Variants in TRPM1 observed in about 807,000 individuals in gnomAD.
TRPM1 encodes the protein TRPM1-203 APA Isoform, Intron 10.
Under a neutral mutation model 149.4 loss-of-function variants are expected in TRPM1, and 113 were observed. The observed-to-expected ratio is 0.76, with a 90% CI of 0.65 to 0.88. TRPM1 has a LOEUF of 0.88. Ranked by LOEUF, TRPM1 falls within the 40% of genes least tolerant of loss-of-function variation. The probability of loss-of-function intolerance (pLI) is 0.00; values close to 1 mark genes in which losing one functional copy is unlikely to be tolerated. For missense variants in TRPM1, 1,976 were observed against 2,038.7 expected (o/e 0.97, Z 0.59); for synonymous variants, 741 against 759.5 (o/e 0.98, Z 0.40).
chr15:31,088,544 C>G (rs1180743650), intron 1 of TRPM1, among the ~76,000 whole-genome samples: 2 of 152,222 alleles, frequency 1.3e-5, no homozygotes, highest in Admixed American at 6.5e-5. Context: ...AGCTGTAACA[C>G]TTGCTGCAAA....
chr15:31,108,714 G>A (rs775000886), intron 1 of TRPM1, among the ~76,000 whole-genome samples: 8 of 152,142 alleles, frequency 5.3e-5, no homozygotes, highest in Non-Finnish European at 7.3e-5. Context: ...GGCTGGTCTC[G>A]AACTCCCGAC....
In TRPM1 at chr15:31,002,877, A is replaced by T. The variant is rs1411906348; in HGVS notation, c.3823T>A (p.Cys1275Ser). The change falls in exon 28 of 28, where the codon TGT (cysteine) becomes AGT (serine). Residue 1275 changes from cysteine (C) to serine (S), a missense_variant. Physicochemically the swap from Cys to Ser is moderately radical, Grantham distance 112. Transcript: ENST00000256552. ...TGCCGGAGAAGATACGTTGCCTCAC[A>T]TTCAGAAGAAGCCCGGGACCGTGCC... is the stretch of plus-strand genomic sequence containing the variant. ...IQARSRASSE[C>S]EATYLLRQSS... 6.2e-7 allele frequency: 1 copy of T among 1,614,190 alleles called. No homozygotes were observed. The highest frequency in any genetic ancestry group is 8.5e-7 in the Non-Finnish European group (1 of 1,179,994).
In TRPM1 at chr15:31,160,877, C is replaced by T. The variant is rs971834710; in HGVS notation, c.54+29G>A. The T allele has an allele frequency of 1.6e-5, 25 of 1,535,062 alleles. No individual in the cohort carries two copies. In the African/African-American group the frequency reaches 2.9e-4, roughly 18 times the overall value. Reference sequence around the variant, plus strand: ...GTCCCTCTGCCCTTCCGCCCAGCTGCCCGCAGGCCACTGGCAAAGCTCACT... The same window carrying T: ...GTCCCTCTGCCCTTCCGCCCAGCTGTCCGCAGGCCACTGGCAAAGCTCACT... On this transcript the variant is annotated intron_variant, in intron 1 of 26. Transcript: ENST00000542188.
intron 1 of TRPM1, among the ~76,000 whole-genome samples, chr15:31,113,832 T>A (rs1017062106): frequency 6.6e-6 from 1 of 152,144 alleles, no homozygotes; most frequent in East Asian, 1.9e-4. Context: ...TGTGAAGATG[T>A]GAACAGCAAA....
intron 1 of TRPM1, among the ~76,000 whole-genome samples, chr15:31,089,164 G>C (rs542325353): frequency 4.6e-5 from 7 of 152,184 alleles, no homozygotes; most frequent in Non-Finnish European, 1.0e-4. Context: ...TTTGCCTTCT[G>C]GTGTTGCATT....
chr15:31,026,119 G>C lies in TRPM1; in HGVS notation c.3629+20C>G. ...GCAAACCCTTGGCTCACGGGCCCGC[G>C]GTGGGGACGCTACACGTACCTTTCA... On this transcript the variant is annotated intron_variant, in intron 27 of 27. Transcript: ENST00000256552. The C allele has an allele frequency of 6.2e-7, 1 of 1,609,468 alleles. No individual in the cohort carries two copies. The highest frequency in any genetic ancestry group is 8.5e-7 in the Non-Finnish European group (1 of 1,179,972).
chr15:31,046,877 A>AG (rs1008996500), intron 15 of TRPM1, among the ~76,000 whole-genome samples: 5 of 152,184 alleles, frequency 3.3e-5, no homozygotes, highest in Non-Finnish European at 5.9e-5. Flanking sequence ...CCCAGGAGGA[A>AG]GTCTGCTGTG....
intron 27 of TRPM1, among the ~76,000 whole-genome samples, chr15:31,023,884 T>C (rs1040218187): frequency 2.0e-5 from 3 of 152,196 alleles, no homozygotes; most frequent in Non-Finnish European, 4.4e-5. Flanking sequence ...TTGGAACTTT[T>C]TGAGAAAAAA....
chr15:31,060,471 A>T, intron 11 of TRPM1, 73 bp downstream of exon 11: 1 of 1,261,962 alleles, frequency 7.9e-7, no homozygotes, highest in Non-Finnish European at 1.2e-6. Context: ...CCATGTCACA[A>T]GGGAGAACAT....
At chr15:31,105,879 T>C (rs11635657), upstream of TRPM1, among the ~76,000 whole-genome samples, 104,113 of 152,156 alleles carry the variant, frequency 0.68, 35,861 homozygotes, top group African/African-American at 0.76. Flanking sequence ...ATTATGTGTC[T>C]AGTGAGCTGT....
chr15:31,091,341 G>C (rs2035232331), intron 1 of TRPM1, among the ~76,000 whole-genome samples: 1 of 152,230 alleles, frequency 6.6e-6, no homozygotes, highest in Non-Finnish European at 1.5e-5. Flanking sequence ...TGCCCACTCT[G>C]CCCTTTGTGG....
chr15:31,150,936 A>C (rs1343986066), intron 1 of TRPM1, among the ~76,000 whole-genome samples: 2 of 152,200 alleles, frequency 1.3e-5, no homozygotes, highest in Non-Finnish European at 2.9e-5. Context: ...TCTCAAGCCA[A>C]GAGTCCACAT....
At chr15:31,055,433 G>A (rs984770652) in intron 11 of TRPM1, among the ~76,000 whole-genome samples, 1 of 152,198 alleles carries the variant, frequency 6.6e-6, no homozygotes, top group Non-Finnish European at 1.5e-5. Flanking sequence ...AATGTGTAAT[G>A]TGGAGGTTGC....
intron 1 of TRPM1, among the ~76,000 whole-genome samples, chr15:31,133,264 C>G (rs2036042756): frequency 6.6e-6 from 1 of 151,850 alleles, no homozygotes. Context: ...GTGGCAAAAA[C>G]CTGTCTCTAC....
rs2033465620 is a variant in TRPM1 at position 31,037,847 on chromosome 15, A to G, written c.2440-5T>C. ...GCCAGCATCTGCATTTGCATCCTGG[A>G]AAACAGAGCACAGCACATGACAGGC... On this transcript the variant is annotated splice_region_variant and splice_polypyrimidine_tract_variant and intron_variant, in intron 19 of 27. Coordinates refer to ENST00000256552, the MANE Select transcript of TRPM1 (RefSeq NM_001252024.2). The G allele has an allele frequency of 6.2e-7, 1 of 1,613,986 alleles. No homozygotes were observed. The highest frequency in any genetic ancestry group is 1.7e-5 in the Admixed American group (1 of 59,998).
intron 2 of TRPM1, among the ~76,000 whole-genome samples, chr15:31,080,522 C>CA (rs1316220892): frequency 3.9e-5 from 6 of 152,178 alleles, no homozygotes; most frequent in Non-Finnish European, 7.4e-5. Context: ...CTGCGTTCCT[C>CA]AAAAACGTCA....
intron 1 of TRPM1, among the ~76,000 whole-genome samples, chr15:31,145,052 G>T (rs1029255773): frequency 6.6e-6 from 1 of 152,112 alleles, no homozygotes; most frequent in Non-Finnish European, 1.5e-5. Flanking sequence ...TCTGTCTGTA[G>T]ACTGGACTAG....
intron 1 of TRPM1, among the ~76,000 whole-genome samples, chr15:31,085,452 T>C (rs1293381484): frequency 6.6e-6 from 1 of 152,234 alleles, no homozygotes; most frequent in East Asian, 1.9e-4. Context: ...TGGAAGAAAG[T>C]CGTATCAGAA....
At chr15:31,072,008 TATATATATATAGAGAGAGAGAGAG>T (rs1292293690) in intron 3 of TRPM1, among the ~76,000 whole-genome samples, 4 of 34,770 alleles carry the variant, frequency 1.2e-4, no homozygotes, top group Non-Finnish European at 1.9e-4. Context: ...TATATATATA[TATATATATATAGAGAGAGAGAGAG>T]AGAGAGAGAG....
Sources: gnomAD v4.1 joint callset for allele counts (sites outside exome capture counted in the v4.1 genomes callset) on GRCh38, gnomAD v4.1.1 for gene constraint, MANE v1.5 for transcripts, NCBI Gene and HGNC (gene_info 2026-07-23, HGNC 2026-07-21) for gene names.